ARK2C: variants seen among roughly 807,000 people sequenced by gnomAD.
The protein encoded by ARK2C is E3 ubiquitin-protein ligase ARK2C.
the ARK2C span, among the ~76,000 whole-genome samples, chr18:46,448,053 C>T: frequency 6.6e-6 from 1 of 151,494 alleles, no homozygotes; most frequent in South Asian, 2.1e-4. Flanking sequence ...TGTTCTCAAC[C>T]TCCTATACCC....
chr18:46,375,583 A>ATAATAATAATAATAATAG, the ARK2C span, among the ~76,000 whole-genome samples: 1 of 149,806 alleles, frequency 6.7e-6, no homozygotes, highest in African/African-American at 2.5e-5. Context: ...AATAATAATA[A>ATAATAATAATAATAATAG]TAATAATAAT....
At chr18:46,397,847 G>A in the ARK2C span, among the ~76,000 whole-genome samples, 1 of 145,108 alleles carries the variant, frequency 6.9e-6, no homozygotes, top group Non-Finnish European at 1.5e-5. Flanking sequence ...GGGTAGGAGG[G>A]TGTGTGTGCA....
the ARK2C span, among the ~76,000 whole-genome samples, chr18:46,384,307 T>C: frequency 2.6e-5 from 4 of 152,238 alleles, no homozygotes; most frequent in Admixed American, 1.3e-4. Flanking sequence ...CTCCCCGTAG[T>C]GTCCAGTCTT....
chr18:46,454,140 T>TAAAAAAAAAAAAAAAAAAAAA, the ARK2C span, among the ~76,000 whole-genome samples: 1 of 93,256 alleles, frequency 1.1e-5, no homozygotes. Flanking sequence ...AAAAAAAAAG[T>TAAAAAAAAAAAAAAAAAAAAA]AAAAGGGAAG....
At chr18:46,437,195 C>G in the ARK2C span, among the ~76,000 whole-genome samples, 1 of 152,168 alleles carries the variant, frequency 6.6e-6, no homozygotes, top group Non-Finnish European at 1.5e-5. Context: ...CTGGTCCACC[C>G]TTGGGCTCTT....
At chr18:46,358,528 G>A in the ARK2C span, among the ~76,000 whole-genome samples, 1 of 152,144 alleles carries the variant, frequency 6.6e-6, no homozygotes, top group African/African-American at 2.4e-5. Context: ...GAAGCTGTGG[G>A]GCTCTGGAGT....
chr18:46,417,140 G>A, the ARK2C span, among the ~76,000 whole-genome samples: 1 of 152,192 alleles, frequency 6.6e-6, no homozygotes, highest in Non-Finnish European at 1.5e-5. Flanking sequence ...CCCTTGAAAT[G>A]AAATATATTT....
At chr18:46,435,250 A>G in the ARK2C span, 1 of 1,578,504 alleles carries the variant, frequency 6.3e-7, no homozygotes, top group Non-Finnish European at 8.7e-7. Flanking sequence ...TGGCCTGGGT[A>G]GCCCCTGACA....
the ARK2C span, among the ~76,000 whole-genome samples, chr18:46,403,402 C>T: frequency 9.9e-5 from 15 of 152,198 alleles, no homozygotes; most frequent in Admixed American, 9.8e-4. Context: ...CCCCGTCTCC[C>T]TCTAGGTTGA....
At chr18:46,455,980 C>T in the ARK2C span, 1 of 1,609,596 alleles carries the variant, frequency 6.2e-7, no homozygotes, top group Non-Finnish European at 8.5e-7. Context: ...ATAGCGAAGA[C>T]CCCAGGATGG....
At chr18:46,459,786 A>C in the ARK2C span, 3 of 153,070 alleles carry the variant, frequency 2.0e-5, no homozygotes, top group East Asian at 3.9e-4. Context: ...AGGCCTCAGC[A>C]TCTCACATCC....
At chr18:46,424,996 G>A in the ARK2C span, among the ~76,000 whole-genome samples, 1 of 152,156 alleles carries the variant, frequency 6.6e-6, no homozygotes, top group Non-Finnish European at 1.5e-5. Flanking sequence ...CCAGCCCTGT[G>A]GCCGGCTGTC....
chr18:46,385,906 A>G, the ARK2C span: 1 of 152,236 alleles, frequency 6.6e-6, no homozygotes. Flanking sequence ...AGAAGACTGT[A>G]ATGCTGTCTT....
the ARK2C span, among the ~76,000 whole-genome samples, chr18:46,362,254 AG>A: frequency 6.6e-6 from 1 of 152,236 alleles, no homozygotes; most frequent in Admixed American, 6.5e-5. Flanking sequence ...TTGGGGAGGC[AG>A]GGTTTTCCTT....
the ARK2C span, among the ~76,000 whole-genome samples, chr18:46,375,566 TAATAATAA>T: frequency 1.3e-3 from 128 of 97,016 alleles, no homozygotes; most frequent in Non-Finnish European, 2.8e-3. Flanking sequence ...ATAATAATAA[TAATAATAA>T]TAATAATAAT....
At chr18:46,420,533 C>T in the ARK2C span, among the ~76,000 whole-genome samples, 2 of 152,122 alleles carry the variant, frequency 1.3e-5, no homozygotes, top group African/African-American at 4.8e-5. Flanking sequence ...GGTAGCCACC[C>T]TAGCATGTCT....
the ARK2C span, among the ~76,000 whole-genome samples, chr18:46,406,102 C>T: frequency 1.3e-5 from 2 of 152,118 alleles, no homozygotes; most frequent in Non-Finnish European, 2.9e-5. Context: ...ACACTCATAT[C>T]CACTCCTACA....
At chr18:46,401,302 G>A in the ARK2C span, among the ~76,000 whole-genome samples, 1 of 152,194 alleles carries the variant, frequency 6.6e-6, no homozygotes, top group Non-Finnish European at 1.5e-5. Context: ...GCTGATGGCA[G>A]AGGGGATGTG....
chr18:46,435,166 G>A, the ARK2C span: 427 of 710,398 alleles, frequency 6.0e-4, 1 homozygote, highest in African/African-American at 6.3e-3. Flanking sequence ...TTGCTAGACT[G>A]TGGGTGCTAA....
Sources: allele counts gnomAD v4.1 joint callset (sites outside exome capture counted in the v4.1 genomes callset), GRCh38; gene constraint gnomAD v4.1.1; transcripts MANE v1.5; gene names NCBI Gene and HGNC (gene_info 2026-07-23, HGNC 2026-07-21).